The following OSBPL10 variants were observed in gnomAD, a reference collection of about 807,000 sequenced individuals.
The protein encoded by OSBPL10 is oxysterol-binding protein-related protein 10.
OSBPL10 carries 49 observed loss-of-function variants against 81.7 expected under a neutral mutation model. The observed-to-expected ratio is 0.60, with a 90% CI of 0.48 to 0.76. The LOEUF (loss-of-function observed/expected upper bound fraction) is 0.76, where lower values mean the gene tolerates loss of function less well. Ranked by LOEUF, OSBPL10 falls within the 30% of genes least tolerant of loss-of-function variation. OSBPL10 has a pLI of 0.00. For missense variants in OSBPL10, 923 were observed against 987.8 expected (o/e 0.93, Z 0.88); for synonymous variants, 419 against 383.6 (o/e 1.09, Z -1.08).
intron 5 of OSBPL10, among the ~76,000 whole-genome samples, chr3:31,740,107 G>A (rs909270627): frequency 2.0e-5 from 3 of 148,622 alleles, no homozygotes; most frequent in East Asian, 2.0e-4. Flanking sequence ...GCAGTGGCAC[G>A]ATTGCAGCTC....
At chr3:31,936,052 A>G (rs549496250) in intron 1 of OSBPL10, among the ~76,000 whole-genome samples, 1 of 151,682 alleles carries the variant, frequency 6.6e-6, no homozygotes, top group South Asian at 2.1e-4. Flanking sequence ...TCCCTTCTCA[A>G]CTCCTGAACT....
Position 32,046,054 on chromosome 3 carries a change from A to G in OSBPL10, n.298+437T>C, listed in dbSNP as rs185315545. On this transcript the variant is annotated intron_variant and non_coding_transcript_variant, in intron 2 of 3. Transcript: ENST00000479173. ...ACTTTCCTGTGGGTTCTTATTTCTT[A>G]CTTATTATACAGAATATTTTGGCAT... is the stretch of plus-strand genomic sequence containing the variant. 2.0e-5 allele frequency: 3 copies of G among 152,272 alleles called. No homozygotes were observed. In the East Asian group the frequency reaches 5.8e-4, roughly 29 times the overall value. 9.4% of individuals were successfully genotyped at this position (152,272 alleles called of 1,614,324 possible).
intron 1 of OSBPL10, among the ~76,000 whole-genome samples, chr3:31,931,725 G>GT (rs1559522722): frequency 6.6e-6 from 1 of 152,182 alleles, no homozygotes; most frequent in Non-Finnish European, 1.5e-5. Context: ...CTTGCACATA[G>GT]TAAGTACTCA....
intron 10 of OSBPL10, among the ~76,000 whole-genome samples, chr3:31,665,869 C>A (rs762679301): frequency 2.0e-5 from 3 of 152,082 alleles, no homozygotes; most frequent in Non-Finnish European, 2.9e-5. Flanking sequence ...ATGGTAAGTC[C>A]CATCTTAAGA....
intron 4 of OSBPL10, among the ~76,000 whole-genome samples, chr3:31,793,815 T>C (rs1317816149): frequency 6.6e-6 from 1 of 152,234 alleles, no homozygotes; most frequent in Non-Finnish European, 1.5e-5. Context: ...TTCTTATCTG[T>C]GAACTCCACA....
chr3:31,854,568 G>GACTATATA, intron 3 of OSBPL10, among the ~76,000 whole-genome samples: 2 of 152,174 alleles, frequency 1.3e-5, no homozygotes, highest in South Asian at 2.1e-4. Context: ...TAATTTTACA[G>GACTATATA]TTTTATATAA....
intron 4 of OSBPL10, among the ~76,000 whole-genome samples, chr3:31,796,610 T>A (rs1418033767): frequency 1.3e-5 from 2 of 152,178 alleles, no homozygotes; most frequent in Non-Finnish European, 2.9e-5. Flanking sequence ...TTAGGTCAGA[T>A]AACTTGGTGG....
At chr3:31,883,303 G>T (rs1181616962) in intron 1 of OSBPL10, among the ~76,000 whole-genome samples, 1 of 151,120 alleles carries the variant, frequency 6.6e-6, no homozygotes, top group Non-Finnish European at 1.5e-5. Context: ...GCAATGGCAC[G>T]ATCTCAGCTC....
intron 2 of OSBPL10, among the ~76,000 whole-genome samples, chr3:32,031,249 T>C (rs1699464581): frequency 2.0e-5 from 3 of 152,296 alleles, no homozygotes; most frequent in Admixed American, 6.5e-5. Context: ...TTCACTATTT[T>C]ACAATTTCAG....
intron 3 of OSBPL10, among the ~76,000 whole-genome samples, chr3:31,858,240 A>G (rs1371874770): frequency 6.6e-6 from 1 of 151,944 alleles, no homozygotes; most frequent in African/African-American, 2.4e-5. Flanking sequence ...GGCTCAAGCA[A>G]TCCTCCCATG....
chr3:31,819,075 G>A (rs921670681), intron 4 of OSBPL10, among the ~76,000 whole-genome samples: 6 of 152,238 alleles, frequency 3.9e-5, no homozygotes, highest in Admixed American at 2.0e-4. Flanking sequence ...TCTACTTAGG[G>A]TGTGGGACAA....
rs867908213 is a variant in OSBPL10, at chr3:31,965,760, T to A, written c.281+15139A>T. Among the ~76,000 whole-genome samples the A allele has an allele frequency of 9.1e-4, 52 of 56,860 alleles. 2 individuals carry two copies. The highest frequency in any genetic ancestry group is 1.5e-3 in the African/African-American group (20 of 13,060). 37.3% of individuals were successfully genotyped at this position (56,860 alleles called of 152,430 possible). A position where few individuals can be genotyped will look rare whatever the true frequency, so the allele number is the denominator to read the frequency against. ...TCTATTTATATAATATATATTATATTAAAAGATAATATATATTATATAAAT... is the reference window on the plus strand; with the variant it reads ...TCTATTTATATAATATATATTATATAAAAAGATAATATATATTATATAAAT... On this transcript the variant is annotated intron_variant, in intron 1 of 11. Coordinates refer to ENST00000396556, the MANE Select transcript of OSBPL10 (RefSeq NM_017784.5).
chr3:31,662,867 C>A (rs1296502106), intron 11 of OSBPL10: 5 of 985,366 alleles, frequency 5.1e-6, no homozygotes, highest in Admixed American at 6.1e-5. Flanking sequence ...GCTAACCTCA[C>A]AGAAGGATCT....
In OSBPL10 at chr3:31,980,961, C is replaced by T; in HGVS notation, c.219G>A (p.Arg73=). Residue 73 remains arginine (R), a synonymous_variant, in exon 1 of 12, where the codon AGG becomes AGA. Transcript: ENST00000396556. The part of the protein sequence containing the change: ...ASPSGGGGRR[R]EPALEGVLSK... ...TGAGCACGCCCTCGAGCGCCGGCTC[C>T]CTCCTGCGGCCGCCTCCCCCGGACG... 1 of 1,571,682 alleles carries T rather than the reference C, an allele frequency of 6.4e-7. No homozygotes were observed. Among genetic ancestry groups the T allele is most frequent in the Non-Finnish European group, 8.6e-7 (1 of 1,163,422 alleles).
At chr3:32,003,293 C>T (rs890824886) in intron 2 of OSBPL10, among the ~76,000 whole-genome samples, 4 of 152,208 alleles carry the variant, frequency 2.6e-5, no homozygotes, top group South Asian at 2.1e-4. Flanking sequence ...GAGTCATTAG[C>T]GTGGTCTTCC....
Position 31,862,186 on chromosome 3 carries a change from T to A in OSBPL10, c.537+14247A>T, listed in dbSNP as rs978226342. Among the ~76,000 whole-genome samples, 21 of 152,064 alleles carry A rather than the reference T, an allele frequency of 1.4e-4. 1 individual carries two copies. Among genetic ancestry groups the A allele is most frequent in the South Asian group, 8.3e-4 (4 of 4,830 alleles). On this transcript the variant is annotated intron_variant, in intron 3 of 11. Coordinates refer to ENST00000396556, the MANE Select transcript of OSBPL10 (RefSeq NM_017784.5). Reference sequence around the variant, plus strand: ...ATGTACCCACAAAAAAATTTTTTTTTAATTTTTTTAAAGAAAAAAATAGCA... The same window carrying A: ...ATGTACCCACAAAAAAATTTTTTTTAAATTTTTTTAAAGAAAAAAATAGCA...
At chr3:31,773,682 G>A (rs531736894) in intron 4 of OSBPL10, among the ~76,000 whole-genome samples, 4 of 152,154 alleles carry the variant, frequency 2.6e-5, no homozygotes, top group South Asian at 2.1e-4. Flanking sequence ...GGTCTGATTC[G>A]ATTTGGAATA....
intron 4 of OSBPL10, among the ~76,000 whole-genome samples, chr3:31,749,416 T>C (rs1464852267): frequency 1.3e-5 from 2 of 152,176 alleles, no homozygotes; most frequent in South Asian, 2.1e-4. Context: ...ATGCAAATTG[T>C]TTTTTTGCAG....
intron 2 of OSBPL10, among the ~76,000 whole-genome samples, chr3:32,011,109 G>T (rs1044852284): frequency 1.3e-5 from 2 of 152,200 alleles, no homozygotes; most frequent in African/African-American, 2.4e-5. Flanking sequence ...CTCCCAGCAC[G>T]CAGCTTGAGA....
Sources: allele counts gnomAD v4.1 joint callset (sites outside exome capture counted in the v4.1 genomes callset), GRCh38; gene constraint gnomAD v4.1.1; transcripts MANE v1.5; gene names NCBI Gene and HGNC (gene_info 2026-07-23, HGNC 2026-07-21).